Variants in IQCM observed in about 807,000 individuals in gnomAD.
IQCM encodes the protein IQ domain-containing protein M.
In IQCM, 45 loss-of-function variants were observed where a neutral mutation model predicts 57.6. That is an observed-to-expected ratio of 0.78 (90% CI 0.62 to 1.00). The LOEUF (loss-of-function observed/expected upper bound fraction) is 1.00, where lower values mean the gene tolerates loss of function less well. IQCM is among the 50% of genes least tolerant of loss of function. The pLI is 0.00. For missense variants in IQCM, 468 were observed against 511.6 expected, an observed-to-expected ratio of 0.91 and a Z score of 0.82; for synonymous variants, 148 against 158.9, an observed-to-expected ratio of 0.93 and a Z score of 0.51.
At chr4:149,766,323 A>G (rs900739739) in intron 2 of IQCM, among the ~76,000 whole-genome samples, 2 of 152,138 alleles carry the variant, frequency 1.3e-5, no homozygotes, top group Admixed American at 1.3e-4. Flanking sequence ...AAAAAATATT[A>G]TGACTTCCCT....
chr4:149,534,944 C>A (rs1411820393), intron 12 of IQCM, among the ~76,000 whole-genome samples: 2 of 152,098 alleles, frequency 1.3e-5, no homozygotes, highest in Non-Finnish European at 2.9e-5. Context: ...AAATCTGAAT[C>A]ATAAGCTTTC....
At chr4:149,674,229 TA>T in intron 7 of IQCM, among the ~76,000 whole-genome samples, 1 of 152,234 alleles carries the variant, frequency 6.6e-6, no homozygotes, top group Admixed American at 6.5e-5. Context: ...TTTATTCTAA[TA>T]AATTAGGTAA....
intron 12 of IQCM, among the ~76,000 whole-genome samples, chr4:149,541,392 A>T (rs1747831944): frequency 6.6e-6 from 1 of 152,096 alleles, no homozygotes; most frequent in African/African-American, 2.4e-5. Flanking sequence ...TGAACTTATC[A>T]TCGTTGTTGA....
intron 10 of IQCM, among the ~76,000 whole-genome samples, chr4:149,554,346 C>CT (rs896560806): frequency 5.5e-4 from 82 of 148,264 alleles, no homozygotes; most frequent in South Asian, 3.6e-3. Flanking sequence ...TGTTTTCATC[C>CT]TTTTTTTTTT....
At chr4:149,790,570 A>T (rs1772505300) in intron 2 of IQCM, among the ~76,000 whole-genome samples, 1 of 152,150 alleles carries the variant, frequency 6.6e-6, no homozygotes, top group Non-Finnish European at 1.5e-5. Context: ...TTCTTACATT[A>T]ATGTTTTAAA....
Position 149,756,219 on chromosome 4 carries a change from A to T in IQCM, c.-48-13480T>A, listed in dbSNP as rs552199474. Among the ~76,000 whole-genome samples, 40 of 152,322 alleles carry T rather than the reference A, an allele frequency of 2.6e-4. No individual in the cohort carries two copies. The South Asian group carries it at 7.7e-3, about 29-fold the overall frequency. On this transcript the variant is annotated intron_variant, in intron 2 of 13. Coordinates refer to ENST00000636793, the MANE Select transcript of IQCM (RefSeq NM_001363507.2). ...ATGTATACCCCCCGCCGTGCCTACA[A>T]CACTGACTGGAAATCAATAAATATT...
intron 4 of IQCM, among the ~76,000 whole-genome samples, chr4:149,734,249 G>A (rs571630240): frequency 6.6e-6 from 1 of 152,258 alleles, no homozygotes; most frequent in African/African-American, 2.4e-5. Context: ...TAGTGTGCTA[G>A]TATTACATTT....
chr4:149,479,984 T>C (rs1370120233), intron 12 of IQCM, among the ~76,000 whole-genome samples: 2 of 152,120 alleles, frequency 1.3e-5, no homozygotes, highest in Admixed American at 6.5e-5. Flanking sequence ...GTAGACAATA[T>C]ATGAAGTACA....
chr4:149,517,208 G>C (rs1472900154), intron 12 of IQCM, among the ~76,000 whole-genome samples: 1 of 151,382 alleles, frequency 6.6e-6, no homozygotes, highest in East Asian at 1.9e-4. Flanking sequence ...GTAGTCATCA[G>C]TTCCAGCTAT....
chr4:149,463,580 C>A, intron 12 of IQCM, among the ~76,000 whole-genome samples: 1 of 152,076 alleles, frequency 6.6e-6, no homozygotes. Context: ...TATTCTGAAT[C>A]CCTGAGGAAT....
Position 149,406,899 on chromosome 4 carries a change from A to G in IQCM, c.1390+26497T>C, listed in dbSNP as rs147644566. 1.0e-3 allele frequency among the ~76,000 whole-genome samples: 158 copies of G among 152,268 alleles called. 2 individuals carry two copies. In the East Asian group the frequency reaches 0.027, roughly 26 times the overall value. On this transcript the variant is annotated intron_variant, in intron 13 of 13. Transcript: ENST00000636793. ...AGGTTTAATGGACTCACAGTCCCAC[A>G]TGGCTGGGGAGGCCTCATGATCATG...
chr4:149,524,251 T>C (rs1053142286), intron 12 of IQCM, among the ~76,000 whole-genome samples: 3 of 152,078 alleles, frequency 2.0e-5, no homozygotes, highest in Non-Finnish European at 4.4e-5. Context: ...CTTGGAGTGG[T>C]GTACTGACTG....
In IQCM at chr4:149,733,302, C is replaced by T; in HGVS notation, c.327G>A (p.Lys109=). Residue 109 remains lysine, a synonymous_variant, in exon 5 of 14, where the codon AAG becomes AAA. Coordinates refer to ENST00000636793, the MANE Select transcript of IQCM (RefSeq NM_001363507.2). ...CTCTTCTACTAAAAATGTGTGGTTC[C>T]TTGAAGGAGATTCGTTGTGGGGGTT... ...LQEPPQRISF[K]EPHIFSRRER... is the part of the protein sequence containing the mutation. 8.1e-7 allele frequency: 1 copy of T among 1,231,508 alleles called. No homozygotes were observed. Among genetic ancestry groups the T allele is most frequent in the Non-Finnish European group, 1.0e-6 (1 of 987,726 alleles). The allele number at this position is 1,231,508 out of a possible 1,614,324, so 76.3% of individuals were successfully genotyped here. A position where few individuals can be genotyped will look rare whatever the true frequency, so the allele number is the denominator to read the frequency against.
At chr4:149,454,745 G>C (rs537655326) in intron 12 of IQCM, among the ~76,000 whole-genome samples, 2 of 152,032 alleles carry the variant, frequency 1.3e-5, no homozygotes, top group Non-Finnish European at 2.9e-5. Flanking sequence ...AGTGAAAGAA[G>C]TTATGAAAAA....
At chr4:149,603,199 T>C (rs1475113653) in intron 8 of IQCM, among the ~76,000 whole-genome samples, 1 of 152,120 alleles carries the variant, frequency 6.6e-6, no homozygotes, top group Non-Finnish European at 1.5e-5. Flanking sequence ...TTATGGTTGA[T>C]TTTCTCTTTA....
At chr4:149,413,258 A>C (rs564607791) in intron 13 of IQCM, among the ~76,000 whole-genome samples, 3 of 152,252 alleles carry the variant, frequency 2.0e-5, no homozygotes, top group Non-Finnish European at 4.4e-5. Flanking sequence ...AAAACAAGCA[A>C]ATGCTGAAAT....
intron 12 of IQCM, among the ~76,000 whole-genome samples, chr4:149,490,139 A>T (rs111289414): frequency 1.3e-4 from 20 of 152,134 alleles, no homozygotes; most frequent in African/African-American, 4.8e-4. Context: ...CAATGAAAAA[A>T]GTCAAAGTAC....
At chr4:149,567,949 C>T (rs561491121) in intron 9 of IQCM, among the ~76,000 whole-genome samples, 1 of 152,286 alleles carries the variant, frequency 6.6e-6, no homozygotes, top group Non-Finnish European at 1.5e-5. Flanking sequence ...AGACATTCAG[C>T]TGTTTTAAAT....
intron 13 of IQCM, among the ~76,000 whole-genome samples, chr4:149,384,748 CT>C (rs200017968): frequency 0.027 from 3,896 of 144,404 alleles, 91 homozygotes; most frequent in African/African-American, 0.06. Context: ...TCCTGTTAAT[CT>C]TTTTTTTTTT....
Sources: allele counts gnomAD v4.1 joint callset (sites outside exome capture counted in the v4.1 genomes callset), GRCh38; gene constraint gnomAD v4.1.1; transcripts MANE v1.5; gene names NCBI Gene and HGNC (gene_info 2026-07-23, HGNC 2026-07-21).